ANK3: variants seen among roughly 807,000 people sequenced by gnomAD.
ANK3 encodes the protein ankyrin 3.
ANK3 carries 57 observed loss-of-function variants against 370.9 expected under a neutral mutation model. The observed-to-expected ratio is 0.15, with a 90% confidence interval of 0.12 to 0.19. ANK3 has a LOEUF of 0.19. ANK3 is among the 10% of genes least tolerant of loss of function. ANK3 has a pLI of 1.00. For missense variants in ANK3, 4,439 were observed against 5,302.1 expected, an observed-to-expected ratio of 0.84 and a Z score of 5.06; for synonymous variants, 1,929 against 1,946.3, an observed-to-expected ratio of 0.99 and a Z score of 0.23.
At chr10:60,327,893 G>A (rs750416346) in intron 1 of ANK3, among the ~76,000 whole-genome samples, 3 of 152,048 alleles carry the variant, frequency 2.0e-5, no homozygotes, top group Non-Finnish European at 4.4e-5. Flanking sequence ...ATCCAGGTTC[G>A]CATACTACTG....
At chr10:60,445,420 C>A (rs1273799177) in intron 2 of ANK3, among the ~76,000 whole-genome samples, 3 of 151,444 alleles carry the variant, frequency 2.0e-5, no homozygotes, top group Non-Finnish European at 4.4e-5. Flanking sequence ...AGCAAACAAA[C>A]AAACAAAAGC....
At chr10:60,441,198 G>T (rs192532450) in intron 2 of ANK3, among the ~76,000 whole-genome samples, 1 of 152,198 alleles carries the variant, frequency 6.6e-6, no homozygotes, top group East Asian at 1.9e-4. Flanking sequence ...CTCTTGCATC[G>T]TTCAGATTTA....
At chr10:60,339,415 C>T (rs10821729) in intron 1 of ANK3, among the ~76,000 whole-genome samples, 76,284 of 151,956 alleles carry the variant, frequency 0.5, 19,693 homozygotes, top group East Asian at 0.69. Context: ...CATGCACATA[C>T]CTATTTCACC....
intron 1 of ANK3, among the ~76,000 whole-genome samples, chr10:60,348,364 A>AC (rs1391103340): frequency 0.017 from 1,573 of 90,170 alleles, 57 homozygotes; most frequent in African/African-American, 0.031. Context: ...AAAAAAAAAA[A>AC]AAAAAACACA....
At chr10:60,166,729 T>C in intron 22 of ANK3, 76 bp from the exon 23 acceptor site, 1 of 1,586,260 alleles carries the variant, frequency 6.3e-7, no homozygotes, top group Non-Finnish European at 8.7e-7. Flanking sequence ...GTTTCAATAT[T>C]CCTGATAAAC....
intron 7 of ANK3, among the ~76,000 whole-genome samples, chr10:60,240,034 TAC>T (rs1249166237): frequency 9.7e-5 from 14 of 143,820 alleles, no homozygotes; most frequent in Middle Eastern, 7.2e-3. Flanking sequence ...CACATATATA[TAC>T]ACATATATAT....
chr10:60,196,696 C>G, intron 14 of ANK3, 71 bp from the exon 15 acceptor site: 1 of 961,758 alleles, frequency 1.0e-6, no homozygotes, highest in South Asian at 1.5e-5. Flanking sequence ...AAAACCCAAA[C>G]CAAACAACAA....
intron 1 of ANK3, among the ~76,000 whole-genome samples, chr10:60,317,687 C>T (rs546242495): frequency 6.6e-6 from 1 of 151,682 alleles, no homozygotes; most frequent in East Asian, 2.0e-4. Context: ...TAGCTATGGC[C>T]CCAAACATCA....
At chr10:60,180,032 T>C (rs770079200) in intron 18 of ANK3, among the ~76,000 whole-genome samples, 2 of 152,152 alleles carry the variant, frequency 1.3e-5, no homozygotes, top group East Asian at 1.9e-4. Context: ...TAAAGCGGTA[T>C]GGAATGAAGA....
chr10:60,487,786 C>T (rs1234208844), intron 2 of ANK3, among the ~76,000 whole-genome samples: 1 of 150,790 alleles, frequency 6.6e-6, no homozygotes, highest in Non-Finnish European at 1.5e-5. Flanking sequence ...GCGATCTCGG[C>T]TCACCACAAC....
At chr10:60,728,822 G>A (rs2079979868) in intron 1 of ANK3, among the ~76,000 whole-genome samples, 1 of 152,178 alleles carries the variant, frequency 6.6e-6, no homozygotes, top group South Asian at 2.1e-4. Flanking sequence ...AGCTTGTATA[G>A]TCTTCCTGAA....
intron 1 of ANK3, among the ~76,000 whole-genome samples, chr10:60,329,178 T>C (rs1395997751): frequency 1.3e-5 from 2 of 152,176 alleles, no homozygotes; most frequent in Non-Finnish European, 2.9e-5. Flanking sequence ...GCCAATATCA[T>C]ATTGAATGGC....
chr10:60,087,553 C>A (rs2087030701), intron 29 of ANK3, among the ~76,000 whole-genome samples: 1 of 152,062 alleles, frequency 6.6e-6, no homozygotes, highest in Admixed American at 6.6e-5. Flanking sequence ...GAGAGTCCAG[C>A]CTCACAAGAA....
At chr10:60,134,464 A>G in intron 24 of ANK3, 91 bp from the exon 25 acceptor site, 1 of 880,390 alleles carries the variant, frequency 1.1e-6, no homozygotes, top group East Asian at 2.8e-5. Context: ...AGAACAGGCA[A>G]GATGGCTAAA....
chr10:60,105,336 G>A (rs2092017896), intron 28 of ANK3, among the ~76,000 whole-genome samples: 1 of 152,006 alleles, frequency 6.6e-6, no homozygotes, highest in Admixed American at 6.6e-5. Context: ...AAGAAGTTGT[G>A]TATGAAAAAG....
intron 43 of ANK3, among the ~76,000 whole-genome samples, chr10:60,036,971 G>A (rs541050172): frequency 6.6e-6 from 1 of 152,266 alleles, no homozygotes; most frequent in East Asian, 1.9e-4. Flanking sequence ...TCAAACCCAA[G>A]TCCAAGCCTG....
intron 23 of ANK3, among the ~76,000 whole-genome samples, chr10:60,164,958 T>G (rs1275388203): frequency 1.3e-5 from 2 of 152,212 alleles, no homozygotes; most frequent in Non-Finnish European, 2.9e-5. Context: ...CAATTTCAAA[T>G]TCCCAAGCTG....
intron 1 of ANK3, among the ~76,000 whole-genome samples, chr10:60,638,338 G>C (rs2078583356): frequency 6.6e-6 from 1 of 152,168 alleles, no homozygotes; most frequent in Non-Finnish European, 1.5e-5. Flanking sequence ...ATTAGCCTGA[G>C]AACAAGCACT....
intron 42 of ANK3, among the ~76,000 whole-genome samples, chr10:60,053,439 C>A (rs2078502840): frequency 6.6e-6 from 1 of 152,172 alleles, no homozygotes; most frequent in African/African-American, 2.4e-5. Flanking sequence ...CATGTGAGGC[C>A]AACCCCTTAC....
Sources: allele counts gnomAD v4.1 joint callset (sites outside exome capture counted in the v4.1 genomes callset), GRCh38; gene constraint gnomAD v4.1.1; transcripts MANE v1.5; gene names NCBI Gene and HGNC (gene_info 2026-07-23, HGNC 2026-07-21).